The following ENGASE variants were observed in gnomAD, a reference collection of about 807,000 sequenced individuals.
ENGASE encodes endo-beta-N-acetylglucosaminidase, also known as cytosolic endo-beta-N-acetylglucosaminidase.
Under a neutral mutation model 78.5 loss-of-function variants are expected in ENGASE, and 69 were observed. That is an observed-to-expected ratio of 0.88 (90% CI 0.72 to 1.07). The LOEUF is 1.07. ENGASE is among the 50% of genes least tolerant of loss of function. The pLI, the probability that ENGASE is intolerant of heterozygous loss-of-function variation, is 0.00. For missense variants in ENGASE, 943 were observed against 988.4 expected (o/e 0.95, Z 0.62); for synonymous variants, 408 against 408.9 (o/e 1.00, Z 0.03).
intron 4 of ENGASE, 39 bp downstream of exon 4, chr17:79,079,676 C>G (rs1411247875): frequency 1.3e-6 from 2 of 1,595,388 alleles, no homozygotes; most frequent in Non-Finnish European, 1.7e-6. Flanking sequence ...AGCCAGACTC[C>G]TCAGCTCACC....
At position 79,086,132 on chromosome 17, in the gene ENGASE, ACT is replaced by A. The variant is rs781161422; in HGVS notation, c.2019_2020del (p.Pro674GlyfsTer74). The A allele has an allele frequency of 2.5e-6, 4 of 1,613,348 alleles. No individual in the cohort carries two copies. In the African/African-American group the frequency reaches 5.3e-5, roughly 22 times the overall value. On this transcript the variant is annotated frameshift_variant, in exon 14 of 14. Coordinates refer to ENST00000579016, the MANE Select transcript of ENGASE (RefSeq NM_001042573.3). LOFTEE classifies it low-confidence loss of function (END_TRUNC). ...CACTGCTGGGGAGGGATGAGTGATG[ACT>A]CTCCGGGCAGGGAGCTGCCGAGGCC...
At position 79,085,129 on chromosome 17, in the gene ENGASE, G is replaced by C. The variant is rs559211267; in HGVS notation, c.1592-105G>C. The C allele has an allele frequency of 5.4e-5, 48 of 883,250 alleles. No individual in the cohort carries two copies. In the African/African-American group the frequency reaches 7.6e-4, roughly 14 times the overall value. The allele number at this position is 883,250 out of a possible 1,614,324, so 54.7% of individuals were successfully genotyped here. A position where few individuals can be genotyped will look rare whatever the true frequency, so the allele number is the denominator to read the frequency against. ...TCTTGGGACCCGCGAGCGTCTGGCC[G>C]AATCAGGCAGCCTTCTCTGGACTCC... On this transcript the variant is annotated intron_variant, in intron 11 of 13. Coordinates refer to ENST00000579016, the MANE Select transcript of ENGASE (RefSeq NM_001042573.3).
intron 3 of ENGASE, among the ~76,000 whole-genome samples, 196 bp downstream of exon 3, chr17:79,078,060 C>T (rs2073013158): frequency 1.3e-5 from 2 of 152,182 alleles, no homozygotes; most frequent in South Asian, 4.1e-4. Context: ...GAAGACTGGG[C>T]TGGGCTTGGT....
rs1330884061 is a variant in ENGASE at position 79,086,726 on chromosome 17, T to C, written c.*377T>C. 2.6e-6 allele frequency: 1 copy of C among 377,552 alleles called. No homozygotes were observed. Among genetic ancestry groups the C allele is most frequent in the Non-Finnish European group, 5.1e-6 (1 of 194,604 alleles). 23.4% of individuals were successfully genotyped at this position (377,552 alleles called of 1,614,324 possible). On this transcript the variant is annotated 3_prime_UTR_variant, in exon 14 of 14. Coordinates refer to ENST00000579016, the MANE Select transcript of ENGASE (RefSeq NM_001042573.3). ...CTGATGCCGAGAATGATGATTTTCT[T>C]TCCTGCAGATGAAACTATTAGAAAG...
chr17:79,081,036 C>T lies in ENGASE; in HGVS notation c.835C>T (p.Gln279Ter). The part of the protein sequence containing the change: ...LWYDSVVQSG[Q>*]LKWQDELNQH... ...GTATGACAGCGTGGTGCAAAGTGGG[C>T]AGCTCAAATGGCAAGACGAACTCAA... Residue 279 changes from glutamine (Q) to a stop codon, truncating the protein, a stop_gained, in exon 6 of 14, where the codon CAG (glutamine) becomes TAG (stop). Transcript: ENST00000579016. LOFTEE classifies it high-confidence loss of function. The T allele has an allele frequency of 6.2e-7, 1 of 1,609,860 alleles. No individual in the cohort carries two copies. The highest frequency in any genetic ancestry group is 8.5e-7 in the Non-Finnish European group (1 of 1,178,886).
intron 1 of ENGASE, among the ~76,000 whole-genome samples, chr17:79,076,704 T>A (rs981895756): frequency 6.6e-6 from 1 of 152,210 alleles, no homozygotes; most frequent in African/African-American, 2.4e-5. Flanking sequence ...TAGGGAAGTG[T>A]GGCCTATAGA....
In ENGASE at chr17:79,074,923, C is replaced by G; in HGVS notation, c.-22C>G. ...GGCGGGCCCGGGCCTGCGATTGCCT[C>G]TCGGCGTGCGCGGACAGTGTCATGG... On this transcript the variant is annotated 5_prime_UTR_variant, in exon 1 of 14. Coordinates refer to ENST00000579016, the MANE Select transcript of ENGASE (RefSeq NM_001042573.3). 1 of 1,259,570 alleles carries G rather than the reference C, an allele frequency of 7.9e-7. No homozygotes were observed. The highest frequency in any genetic ancestry group is 1.0e-6 in the Non-Finnish European group (1 of 1,001,724). The allele number at this position is 1,259,570 out of a possible 1,614,324, so 78.0% of individuals were successfully genotyped here. A position where few individuals can be genotyped will look rare whatever the true frequency, so the allele number is the denominator to read the frequency against.
intron 7 of ENGASE, chr17:79,082,291 T>C (rs2073164608): frequency 6.8e-7 from 1 of 1,473,386 alleles, no homozygotes; most frequent in African/African-American, 1.4e-5. Flanking sequence ...TGTATTTTTG[T>C]GTGGGTGTTA....
In ENGASE at chr17:79,085,274, GC is replaced by G. The variant is rs759157900; in HGVS notation, c.1638del (p.Thr547ProfsTer14). 4 of 1,613,372 alleles carry G rather than the reference GC, an allele frequency of 2.5e-6. No homozygotes were observed. In the African/African-American group the frequency reaches 4.0e-5, roughly 16 times the overall value. ...GACACAGCCTCCGACCCCTCCGGGT[GC>G]CCCCCACCAAGCTGGCCAGATGGGT... ...SRHSLRPLRV[P>X]PTKLARWVGR... On this transcript the variant is annotated frameshift_variant, in exon 12 of 14. Transcript: ENST00000579016. LOFTEE classifies it high-confidence loss of function.
At chr17:79,075,775 G>A in intron 1 of ENGASE, 1 of 985,450 alleles carries the variant, frequency 1.0e-6, no homozygotes, top group Non-Finnish European at 1.2e-6. Context: ...AGACTGCTGA[G>A]CATTTCAGAC....
At position 79,083,106 on chromosome 17, in the gene ENGASE, C is replaced by A. The variant is rs143092634; in HGVS notation, c.1125C>A (p.Phe375Leu). 6 of 1,613,534 alleles carry A rather than the reference C, an allele frequency of 3.7e-6. No individual in the cohort carries two copies. The South Asian group carries it at 6.6e-5, about 18-fold the overall frequency. Residue 375 changes from phenylalanine to leucine, a missense_variant, in exon 8 of 14, where the codon TTC becomes TTA. Coordinates refer to ENST00000579016, the MANE Select transcript of ENGASE (RefSeq NM_001042573.3). This position sits in a 1 kb window ranked among gnomAD's most constrained non-coding sequence, Gnocchi z 4.9. ...WVYECLEKKD[F>L]FQNQDKFWGR... ...ATGAGTGTCTGGAGAAGAAGGATTT[C>A]TTCCAGAACCAGGACAAGTGAGTCC...
chr17:79,075,184 G>A (rs2072938240), intron 1 of ENGASE, 94 bp downstream of exon 1: 1 of 1,172,098 alleles, frequency 8.5e-7, no homozygotes, highest in Non-Finnish European at 1.1e-6. Flanking sequence ...GCGCCGAGGG[G>A]CGGGGGGCCG....
Position 79,086,839 on chromosome 17 carries a change from G to A in ENGASE, c.*490G>A. On this transcript the variant is annotated 3_prime_UTR_variant, in exon 14 of 14. Coordinates refer to ENST00000579016, the MANE Select transcript of ENGASE (RefSeq NM_001042573.3). ...GAGCTACAGCAGCTCCTGGGGTGGG[G>A]CTGCCTGCGGGATGGCGGGAGAGGA... is the stretch of plus-strand genomic sequence containing the variant. 2.3e-6 allele frequency: 1 copy of A among 427,918 alleles called. No individual in the cohort carries two copies. Among genetic ancestry groups the A allele is most frequent in the Non-Finnish European group, 4.7e-6 (1 of 211,700 alleles). 26.5% of individuals were successfully genotyped at this position (427,918 alleles called of 1,614,324 possible).
Position 79,087,225 on chromosome 17 carries a change from C to G in ENGASE, c.*876C>G. 1 of 356,942 alleles carries G rather than the reference C, an allele frequency of 2.8e-6. No homozygotes were observed. The highest frequency in any genetic ancestry group is 2.0e-5 in the South Asian group (1 of 49,094). The allele number at this position is 356,942 out of a possible 1,614,324, so 22.1% of individuals were successfully genotyped here. ...AGCAGCACCTGCCCCCCGCGCCAGC[C>G]CAGCCCCAGCCTGAGTGCAGGAGCT... is the stretch of plus-strand genomic sequence containing the variant. On this transcript the variant is annotated 3_prime_UTR_variant, in exon 14 of 14. Coordinates refer to ENST00000579016, the MANE Select transcript of ENGASE (RefSeq NM_001042573.3).
Position 79,086,467 on chromosome 17 carries a change from G to A in ENGASE, c.*118G>A, listed in dbSNP as rs2073315615. 14 of 1,314,170 alleles carry A rather than the reference G, an allele frequency of 1.1e-5. No homozygotes were observed. The highest frequency in any genetic ancestry group is 1.5e-5 in the South Asian group (1 of 65,838). The allele number at this position is 1,314,170 out of a possible 1,614,324, so 81.4% of individuals were successfully genotyped here. ...ACAGTGGCAGCGAGGTCCCGGTCCC[G>A]GGGCTGGGGTGGGAGACCCCGGGCT... On this transcript the variant is annotated 3_prime_UTR_variant, in exon 14 of 14. Coordinates refer to ENST00000579016, the MANE Select transcript of ENGASE (RefSeq NM_001042573.3).
In ENGASE at chr17:79,085,918, CT is replaced by C; in HGVS notation, c.1816-13del. 1.3e-6 allele frequency: 2 copies of C among 1,588,426 alleles called. No individual in the cohort carries two copies. Among genetic ancestry groups the C allele is most frequent in the Non-Finnish European group, 1.7e-6 (2 of 1,171,494 alleles). On this transcript the variant is annotated splice_polypyrimidine_tract_variant and intron_variant, in intron 13 of 13. Coordinates refer to ENST00000579016, the MANE Select transcript of ENGASE (RefSeq NM_001042573.3). ...CCCCGGGCGTCCAGCCGTGCTGAGC[CT>C]TCTCTCCTGCCAGGTGGTGGACGCT...
intron 11 of ENGASE, among the ~76,000 whole-genome samples, chr17:79,084,943 C>T (rs1262782599): frequency 1.3e-5 from 2 of 152,178 alleles, no homozygotes; most frequent in African/African-American, 4.8e-5. Context: ...CTCCCAGAGA[C>T]CTGAGCTGCA....
At chr17:79,078,203 G>A (rs959810599) in intron 3 of ENGASE, among the ~76,000 whole-genome samples, 2 of 152,160 alleles carry the variant, frequency 1.3e-5, no homozygotes, top group African/African-American at 4.8e-5. Context: ...AGCCAGGCAT[G>A]GTGGCAGGTG....
At position 79,085,661 on chromosome 17, in the gene ENGASE, T is replaced by C. The variant is rs752889137; in HGVS notation, c.1742T>C (p.Leu581Pro). ...VSLRGCLLLD[L>P]LVCFSRPPGS... ...CTGCGTGGGTGCCTGCTGCTAGACC[T>C]CCTCGTTTGCTTCTCACGGCCGCCG... Residue 581 changes from leucine (L) to proline (P), a missense_variant, in exon 13 of 14, where the codon CTC becomes CCC. Physicochemically the swap from Leu to Pro is moderately conservative, Grantham distance 98. Coordinates refer to ENST00000579016, the MANE Select transcript of ENGASE (RefSeq NM_001042573.3). The C allele has an allele frequency of 6.8e-6, 11 of 1,613,862 alleles. No individual in the cohort carries two copies. Among genetic ancestry groups the C allele is most frequent in the Non-Finnish European group, 8.5e-7 (1 of 1,179,998 alleles).
Sources: gnomAD v4.1 joint callset for allele counts (sites outside exome capture counted in the v4.1 genomes callset) on GRCh38, gnomAD v4.1.1 for gene constraint, Gnocchi (gnomAD v3.1) non-coding constraint, MANE v1.5 for transcripts, NCBI Gene and HGNC (gene_info 2026-07-23, HGNC 2026-07-21) for gene names.